Variants in FARSB observed in about 807,000 individuals in gnomAD.
FARSB encodes the protein phenylalanine--tRNA ligase beta subunit.
A neutral mutation model predicts 69.6 loss-of-function variants in FARSB; 40 were observed. That is an observed-to-expected ratio of 0.57 (90% CI 0.45 to 0.75). The LOEUF (loss-of-function observed/expected upper bound fraction) is 0.75. Ranked by LOEUF, FARSB falls within the 30% of genes least tolerant of loss-of-function variation. FARSB has a pLI of 0.00. For missense variants in FARSB, 632 were observed against 722.9 expected, an observed-to-expected ratio of 0.87 and a Z score of 1.44; for synonymous variants, 235 against 247.2, an observed-to-expected ratio of 0.95 and a Z score of 0.46.
intron 15 of FARSB, among the ~76,000 whole-genome samples, chr2:222,607,614 A>T (rs1690736051): frequency 6.6e-6 from 1 of 152,062 alleles, no homozygotes; most frequent in South Asian, 2.1e-4. Context: ...CCGGCAACTA[A>T]TTCTAAGAGT....
intron 16 of FARSB, among the ~76,000 whole-genome samples, chr2:222,594,468 C>G (rs148737706): frequency 7.9e-5 from 12 of 151,874 alleles, no homozygotes; most frequent in Non-Finnish European, 1.3e-4. Flanking sequence ...ATTGATAACC[C>G]TGCATCGAAA....
At chr2:222,579,819 C>A (rs1338064703) in intron 16 of FARSB, among the ~76,000 whole-genome samples, 2 of 152,186 alleles carry the variant, frequency 1.3e-5, no homozygotes, top group Non-Finnish European at 1.5e-5. Context: ...GACAGATAGA[C>A]CTAAGATCTA....
chr2:222,655,754 G>A (rs1047170343), intron 1 of FARSB, among the ~76,000 whole-genome samples: 8 of 152,248 alleles, frequency 5.3e-5, no homozygotes, highest in Admixed American at 5.2e-4. Context: ...GTCGGTGCCA[G>A]GCACGCTGTA....
chr2:222,607,747 T>TA (rs1333525551), intron 15 of FARSB, among the ~76,000 whole-genome samples: 3 of 151,876 alleles, frequency 2.0e-5, no homozygotes, highest in Non-Finnish European at 4.4e-5. Flanking sequence ...TCAATTTTTT[T>TA]AAAAAGAAAT....
chr2:222,632,105 A>T (rs974926280), intron 7 of FARSB, among the ~76,000 whole-genome samples: 5 of 151,268 alleles, frequency 3.3e-5, no homozygotes, highest in African/African-American at 1.2e-4. Flanking sequence ...CAGCCTGGGC[A>T]ACAAAAGCAA....
chr2:222,581,759 C>A (rs1689974415), intron 16 of FARSB, among the ~76,000 whole-genome samples: 3 of 152,028 alleles, frequency 2.0e-5, no homozygotes, highest in African/African-American at 7.2e-5. Context: ...ATTGACAAAC[C>A]TAAAGAAATA....
intron 15 of FARSB, among the ~76,000 whole-genome samples, chr2:222,604,782 A>T (rs1397286922): frequency 1.6e-5 from 2 of 128,794 alleles, no homozygotes; most frequent in African/African-American, 2.9e-5. Flanking sequence ...CATGTTGCCC[A>T]GGCTGGTCTC....
intron 16 of FARSB, among the ~76,000 whole-genome samples, chr2:222,587,930 C>A (rs974202444): frequency 1.3e-5 from 2 of 152,106 alleles, no homozygotes; most frequent in Non-Finnish European, 2.9e-5. Flanking sequence ...ATCAGAGGTA[C>A]AAAGAGGTGC....
At chr2:222,586,246 T>C (rs1030234363) in intron 16 of FARSB, among the ~76,000 whole-genome samples, 1 of 152,214 alleles carries the variant, frequency 6.6e-6, no homozygotes, top group Non-Finnish European at 1.5e-5. Context: ...CAGAATTTCA[T>C]ATCCAGCCAA....
intron 1 of FARSB, among the ~76,000 whole-genome samples, chr2:222,652,124 G>A (rs985105103): frequency 3.3e-5 from 5 of 152,130 alleles, no homozygotes; most frequent in African/African-American, 7.2e-5. Context: ...ATGGTCTCTC[G>A]AGTCTCTCAG....
intron 1 of FARSB, among the ~76,000 whole-genome samples, chr2:222,651,443 C>T (rs1692035147): frequency 6.6e-6 from 1 of 152,146 alleles, no homozygotes; most frequent in Non-Finnish European, 1.5e-5. Context: ...TGAGCAAAGA[C>T]CAAATCCAAG....
At chr2:222,652,124 G>T (rs985105103) in intron 1 of FARSB, among the ~76,000 whole-genome samples, 1 of 152,130 alleles carries the variant, frequency 6.6e-6, no homozygotes, top group Non-Finnish European at 1.5e-5. Context: ...ATGGTCTCTC[G>T]AGTCTCTCAG....
chr2:222,617,609 C>A (rs997017665), intron 14 of FARSB, among the ~76,000 whole-genome samples: 3 of 152,222 alleles, frequency 2.0e-5, no homozygotes, highest in Non-Finnish European at 4.4e-5. Context: ...AAAGGCCAAG[C>A]GAGGTGGCTC....
At position 222,639,648 on chromosome 2, in the gene FARSB, T is replaced by G. The variant is rs776819290; in HGVS notation, c.387A>C (p.Ile129=). 1.3e-6 allele frequency: 2 copies of G among 1,593,134 alleles called. No homozygotes were observed. The highest frequency in any genetic ancestry group is 2.7e-5 in the African/African-American group (2 of 74,384). Residue 129 remains isoleucine (I), a synonymous_variant, in exon 5 of 17, where the codon ATA becomes ATC. Coordinates refer to ENST00000281828, the MANE Select transcript of FARSB (RefSeq NM_005687.5). ...PFAVAAVLRN[I]KFTKDRYDSF... ...TGTCATATCGATCTTTAGTAAACTT[T>G]ATATTACGGAGAACTGCTGCTACCG...
Position 222,569,710 on chromosome 2 carries a change from T to C in FARSB, c.*2161A>G, listed in dbSNP as rs966588613. On this transcript the variant is annotated 3_prime_UTR_variant, in exon 17 of 17. Coordinates refer to ENST00000281828, the MANE Select transcript of FARSB (RefSeq NM_005687.5). The stretch of plus-strand genomic sequence containing the variant: ...TGACTTTTTTAGACTCTCAGGTAAA[T>C]AGAATTAAATAGAGTCTTTTGTGTC... 31 of 152,178 alleles carry C rather than the reference T, an allele frequency of 2.0e-4. No homozygotes were observed. Among genetic ancestry groups the C allele is most frequent in the African/African-American group, 7.2e-4 (30 of 41,452 alleles). 9.4% of individuals were successfully genotyped at this position (152,178 alleles called of 1,614,324 possible).
At chr2:222,597,458 C>A (rs1170378332) in intron 16 of FARSB, among the ~76,000 whole-genome samples, 3 of 151,518 alleles carry the variant, frequency 2.0e-5, no homozygotes, top group African/African-American at 4.9e-5. Flanking sequence ...AAAAAAAATT[C>A]TAAACAAAAA....
chr2:222,569,399 A>G lies in FARSB; in HGVS notation c.*2472T>C, dbSNP rs1689678682. The G allele has an allele frequency of 3.3e-5, 5 of 152,222 alleles. No individual in the cohort carries two copies. Among genetic ancestry groups the G allele is most frequent in the Admixed American group, 3.3e-4 (5 of 15,282 alleles). 9.4% of individuals were successfully genotyped at this position (152,222 alleles called of 1,614,324 possible). On this transcript the variant is annotated 3_prime_UTR_variant, in exon 17 of 17. Coordinates refer to ENST00000281828, the MANE Select transcript of FARSB (RefSeq NM_005687.5). ...AGCGAACCTGAAACTAAGGGAGAAT[A>G]TATCATTAATAGCTGTGGACCAGTG... is the stretch of plus-strand genomic sequence containing the variant.
intron 1 of FARSB, 68 bp downstream of exon 1, chr2:222,655,948 G>T: frequency 7.9e-7 from 1 of 1,272,394 alleles, no homozygotes; most frequent in Non-Finnish European, 1.1e-6. Flanking sequence ...TCGCCACATT[G>T]CCCTTTTGGA....
chr2:222,641,957 T>C (rs906022597), intron 3 of FARSB, among the ~76,000 whole-genome samples: 9 of 152,184 alleles, frequency 5.9e-5, no homozygotes, highest in Non-Finnish European at 1.3e-4. Flanking sequence ...AAACAATTTT[T>C]AATAGCTGTT....
Sources: allele counts gnomAD v4.1 joint callset (sites outside exome capture counted in the v4.1 genomes callset), GRCh38; gene constraint gnomAD v4.1.1; transcripts MANE v1.5; gene names NCBI Gene and HGNC (gene_info 2026-07-23, HGNC 2026-07-21).